PLOD1: variants seen among roughly 807,000 people sequenced by gnomAD.
PLOD1 encodes the protein lysine hydroxylase.
PLOD1 carries 70 observed loss-of-function variants against 94.7 expected under a neutral mutation model. The observed-to-expected ratio is 0.74, with a 90% CI of 0.61 to 0.90. PLOD1 has a LOEUF of 0.90. Ranked by LOEUF, PLOD1 falls within the 40% of genes least tolerant of loss-of-function variation. The pLI, the probability that PLOD1 is intolerant of heterozygous loss-of-function variation, is 0.00. For synonymous variants in PLOD1, 417 were observed against 400.2 expected (o/e 1.04, Z -0.50); for missense variants, 905 against 972.7 (o/e 0.93, Z 0.93).
At position 11,960,504 on chromosome 1, in the gene PLOD1, G is replaced by T. The variant is rs111974979; in HGVS notation, c.976-142G>T. The T allele has an allele frequency of 5.7e-3, 4,040 of 706,832 alleles. 134 individuals are homozygous for T. In the African/African-American group the frequency reaches 0.063, roughly 11 times the overall value. The allele number at this position is 706,832 out of a possible 1,614,324, so 43.8% of individuals were successfully genotyped here. A position where few individuals can be genotyped will look rare whatever the true frequency, so the allele number is the denominator to read the frequency against. On this transcript the variant is annotated intron_variant, in intron 9 of 18. Coordinates refer to ENST00000196061, the MANE Select transcript of PLOD1 (RefSeq NM_000302.4). ...TGGCACAGGGCTGGCATGGGCAAAG[G>T]TCTGGAGACAGGAAAGCAGATGGCC...
chr1:11,961,066 C>T (rs1029108706), intron 10 of PLOD1, among the ~76,000 whole-genome samples: 1 of 151,726 alleles, frequency 6.6e-6, no homozygotes, highest in Non-Finnish European at 1.5e-5. Context: ...GGGAGCCAAC[C>T]TTGAATGTTT....
Position 11,966,288 on chromosome 1 carries a change from A to G in PLOD1, c.1622A>G (p.Lys541Arg). The change falls in exon 15 of 19, where the codon AAA (lysine) becomes AGA (arginine). Residue 541 changes from lysine to arginine, a missense_variant. Coordinates refer to ENST00000196061, the MANE Select transcript of PLOD1 (RefSeq NM_000302.4). Reference sequence around the variant, plus strand: ...AAGTACATCCACCAGAACTACACCAAAGCCCTGGCAGGGAAGCTGGTGGAG... The same window carrying G: ...AAGTACATCCACCAGAACTACACCAGAGCCCTGGCAGGGAAGCTGGTGGAG... ...KEKYIHQNYT[K>R]ALAGKLVETP... 1.2e-6 allele frequency: 2 copies of G among 1,608,080 alleles called. No homozygotes were observed. The highest frequency in any genetic ancestry group is 1.3e-5 in the African/African-American group (1 of 74,740).
rs142845046 is a variant in PLOD1 at position 11,972,172 on chromosome 1, C to G, written c.1903-700C>G. 27 of 153,318 alleles carry G rather than the reference C, an allele frequency of 1.8e-4. No individual in the cohort carries two copies. The highest frequency in any genetic ancestry group is 5.1e-4 in the African/African-American group (21 of 41,550). 9.5% of individuals were successfully genotyped at this position (153,318 alleles called of 1,614,324 possible). A position where few individuals can be genotyped will look rare whatever the true frequency, so the allele number is the denominator to read the frequency against. On this transcript the variant is annotated intron_variant, in intron 17 of 18. Transcript: ENST00000196061. The surrounding 1 kb of genome is among the most constrained non-coding windows in gnomAD (Gnocchi z 4.6). ...CCCCCTTTGTCTTTGTCTTTTCATT[C>G]ATTCCTTCGTTCCTTTCTTCCCTTC...
At chr1:11,942,055 T>G (rs1262547335) in intron 1 of PLOD1, among the ~76,000 whole-genome samples, 1 of 150,274 alleles carries the variant, frequency 6.7e-6, no homozygotes, top group Non-Finnish European at 1.5e-5. Flanking sequence ...CAACCCTGGC[T>G]CACTGCAACC....
intron 10 of PLOD1, among the ~76,000 whole-genome samples, chr1:11,962,274 CTTTTTTTTT>C (rs780613164): frequency 2.0e-5 from 2 of 99,090 alleles, no homozygotes; most frequent in South Asian, 3.7e-4. Flanking sequence ...TTTTTGTTTT[CTTTTTTTTT>C]TTTTTTTTTT....
rs776949094 is a variant in PLOD1 at position 11,957,932 on chromosome 1, A to C, written c.832A>C (p.Lys278Gln). The C allele has an allele frequency of 5.0e-6, 8 of 1,611,472 alleles. No individual in the cohort carries two copies. Among genetic ancestry groups the C allele is most frequent in the East Asian group, 2.2e-5 (1 of 44,844 alleles). Residue 278 changes from lysine (K) to glutamine (Q), a missense_variant, in exon 8 of 19, where the codon AAG becomes CAG. Transcript: ENST00000196061. The surrounding 1 kb of genome is among the most constrained non-coding windows in gnomAD (Gnocchi z 4.1). ...TVCDEGLRSL[K>Q]GIGDEALPTV... The stretch of plus-strand genomic sequence containing the variant: ...GTGTGACGAAGGCTTGCGCAGCCTC[A>C]AGGGCATTGGGGTGAGGCTGCGCCC...
In PLOD1 at chr1:11,957,902, A is replaced by G. The variant is rs74354225; in HGVS notation, c.802A>G (p.Thr268Ala). The G allele has an allele frequency of 5.9e-4, 958 of 1,613,942 alleles. 8 individuals are homozygous for G. In the African/African-American group the frequency reaches 0.012, roughly 20 times the overall value. ...PRFWTFETGC[T>A]VCDEGLRSLK... ...CTTCTGGACCTTCGAAACAGGCTGC[A>G]CCGTGTGTGACGAAGGCTTGCGCAG... is the stretch of plus-strand genomic sequence containing the variant. The change falls in exon 8 of 19, where the codon ACC (threonine) becomes GCC (alanine). Residue 268 changes from threonine (T) to alanine (A), a missense_variant. Physicochemically the swap from Thr to Ala is moderately conservative, Grantham distance 58 (BLOSUM62 0). Coordinates refer to ENST00000196061, the MANE Select transcript of PLOD1 (RefSeq NM_000302.4). The surrounding 1 kb of genome is among the most constrained non-coding windows in gnomAD (Gnocchi z 4.1).
chr1:11,948,808 C>T (rs1296717273), intron 2 of PLOD1, among the ~76,000 whole-genome samples: 1 of 152,130 alleles, frequency 6.6e-6, no homozygotes, highest in African/African-American at 2.4e-5. Flanking sequence ...TTGGTGTCAT[C>T]TGTGTGCAGT....
At chr1:11,939,096 G>A (rs1355602501) in intron 1 of PLOD1, among the ~76,000 whole-genome samples, 1 of 151,770 alleles carries the variant, frequency 6.6e-6, no homozygotes, top group South Asian at 2.1e-4. Context: ...GCCTTGATTT[G>A]GCCGTGGTGA....
intron 13 of PLOD1, among the ~76,000 whole-genome samples, chr1:11,965,223 C>T (rs991088912): frequency 3.3e-5 from 5 of 151,874 alleles, no homozygotes; most frequent in Non-Finnish European, 1.5e-5. Flanking sequence ...CCAGAACACG[C>T]TCCTTTTCTT....
chr1:11,974,728 G>A lies in PLOD1; in HGVS notation c.2104G>A (p.Gly702Arg). 1.2e-6 allele frequency: 2 copies of A among 1,613,904 alleles called. No homozygotes were observed. The highest frequency in any genetic ancestry group is 1.7e-6 in the Non-Finnish European group (2 of 1,179,808). ...PRKGWTLMHP[G>R]RLTHYHEGLP... is the part of the protein sequence containing the mutation. ...GAAGGGCTGGACCCTCATGCACCCTGGACGACTCACGCATTACCATGAGGG... is the reference window on the plus strand; with the variant it reads ...GAAGGGCTGGACCCTCATGCACCCTAGACGACTCACGCATTACCATGAGGG... Residue 702 changes from glycine to arginine, a missense_variant, in exon 19 of 19, where the codon GGA becomes AGA. Coordinates refer to ENST00000196061, the MANE Select transcript of PLOD1 (RefSeq NM_000302.4).
chr1:11,937,927 T>C (rs1176565839), intron 1 of PLOD1, among the ~76,000 whole-genome samples: 7 of 151,778 alleles, frequency 4.6e-5, no homozygotes, highest in African/African-American at 1.7e-4. Context: ...TTTCCATTTT[T>C]TTTTTTTTTT....
Position 11,974,823 on chromosome 1 carries a change from C to A in PLOD1, c.*15C>A. ...TCGATCCCTAATTGGCCAGGCCTGA[C>A]CCTCTTGGACCTTTCTTCTTTGCCG... On this transcript the variant is annotated 3_prime_UTR_variant, in exon 19 of 19. Coordinates refer to ENST00000196061, the MANE Select transcript of PLOD1 (RefSeq NM_000302.4). The A allele has an allele frequency of 6.2e-7, 1 of 1,613,852 alleles. No homozygotes were observed. Among genetic ancestry groups the A allele is most frequent in the Non-Finnish European group, 8.5e-7 (1 of 1,179,754 alleles).
chr1:11,957,422 C>T lies in PLOD1; in HGVS notation c.741+408C>T, dbSNP rs7554458. The stretch of plus-strand genomic sequence containing the variant: ...TGACAGAAGGGACTGGGTGCAGATG[C>T]GGCCAGGGACAGAATGGACCTCACT... On this transcript the variant is annotated intron_variant, in intron 7 of 18. Transcript: ENST00000196061. The surrounding 1 kb of genome is among the most constrained non-coding windows in gnomAD (Gnocchi z 4.1). Among the ~76,000 whole-genome samples, 20,710 of 152,174 alleles carry T rather than the reference C, an allele frequency of 0.14. 2,122 individuals carry two copies. Among genetic ancestry groups the T allele is most frequent in the African/African-American group, 0.29 (11,911 of 41,458 alleles).
chr1:11,961,242 A>C (rs766804265), intron 10 of PLOD1, among the ~76,000 whole-genome samples: 13 of 151,964 alleles, frequency 8.6e-5, no homozygotes, highest in Non-Finnish European at 1.6e-4. Flanking sequence ...AAAAATAGCC[A>C]AGTGTGGTGG....
At chr1:11,953,338 G>A (rs992463358) in intron 5 of PLOD1, among the ~76,000 whole-genome samples, 1 of 151,700 alleles carries the variant, frequency 6.6e-6, no homozygotes. Context: ...TTACAGTCGT[G>A]AGCCACCGTG....
chr1:11,938,323 A>G (rs1645593823), intron 1 of PLOD1, among the ~76,000 whole-genome samples: 2 of 152,134 alleles, frequency 1.3e-5, no homozygotes, highest in Non-Finnish European at 2.9e-5. Context: ...TGGTAGGTTA[A>G]ACATCTGGTC....
intron 16 of PLOD1, among the ~76,000 whole-genome samples, chr1:11,969,019 A>C (rs1645842447): frequency 7.1e-6 from 1 of 139,870 alleles, no homozygotes; most frequent in Non-Finnish European, 1.5e-5. Context: ...CACCATGCCT[A>C]ATTTTTTTTT....
chr1:11,967,597 G>GTATATA (rs376492098), intron 16 of PLOD1, among the ~76,000 whole-genome samples: 1 of 59,780 alleles, frequency 1.7e-5, no homozygotes. Context: ...GTGTGTGTGT[G>GTATATA]TATATATATA....
Sources: allele counts gnomAD v4.1 joint callset (sites outside exome capture counted in the v4.1 genomes callset), GRCh38; gene constraint gnomAD v4.1.1; non-coding constraint Gnocchi (gnomAD v3.1); transcripts MANE v1.5; gene names NCBI Gene and HGNC (gene_info 2026-07-23, HGNC 2026-07-21).